Variants in SGMS1 observed in about 807,000 individuals in gnomAD.
The protein encoded by SGMS1 is phosphatidylcholine:ceramide cholinephosphotransferase 1.
A neutral mutation model predicts 46.2 loss-of-function variants in SGMS1; 13 were observed. That is an observed-to-expected ratio of 0.28 (90% CI 0.18 to 0.45). SGMS1 has a LOEUF of 0.45. Ranked by LOEUF, SGMS1 falls within the 20% of genes least tolerant of loss-of-function variation. The pLI, the probability that SGMS1 is intolerant of heterozygous loss-of-function variation, is 1.00. For synonymous variants in SGMS1, 203 were observed against 187.8 expected (o/e 1.08, Z -0.66); for missense variants, 324 against 519.9 (o/e 0.62, Z 3.66).
chr10:50,307,170 T>C lies in SGMS1; in HGVS notation c.1214A>G (p.Lys405Arg), dbSNP rs988692756. The change falls in exon 11 of 11, where the codon AAA becomes AGA. Residue 405 changes from lysine (K) to arginine (R), a missense_variant. Physicochemically the swap from Lys to Arg is conservative, Grantham distance 26 (BLOSUM62 2). Coordinates refer to ENST00000361781, the MANE Select transcript of SGMS1 (RefSeq NM_147156.4). This position sits in a 1 kb window ranked among gnomAD's most constrained non-coding sequence, Gnocchi z 4.2. Reference protein sequence around the residue: ...WPVVHLSRQVKYSRLVNDT With the variant: ...WPVVHLSRQVRYSRLVNDT ...TGTGTCATTCACCAGCCGGCTGTAT[T>C]TAACTTGCCTACTGAGGTGGACTAC... 1 of 1,613,968 alleles carries C rather than the reference T, an allele frequency of 6.2e-7. No homozygotes were observed. Among genetic ancestry groups the C allele is most frequent in the African/African-American group, 1.3e-5 (1 of 74,922 alleles).
At chr10:50,404,075 A>G (rs1427436410) in intron 6 of SGMS1, among the ~76,000 whole-genome samples, 4 of 152,128 alleles carry the variant, frequency 2.6e-5, no homozygotes, top group African/African-American at 9.7e-5. Flanking sequence ...AGTCAATATG[A>G]TAAAGACAAG....
intron 8 of SGMS1, among the ~76,000 whole-genome samples, chr10:50,320,659 T>C (rs1847426617): frequency 6.6e-6 from 1 of 152,242 alleles, no homozygotes; most frequent in African/African-American, 2.4e-5. Flanking sequence ...TGGAGTCATC[T>C]CTGGCCACTT....
At chr10:50,440,275 AAT>A (rs752922519) in intron 5 of SGMS1, among the ~76,000 whole-genome samples, 11 of 140,056 alleles carry the variant, frequency 7.9e-5, no homozygotes, top group Admixed American at 1.4e-4. Context: ...CAAATTAAAA[AAT>A]ATATATATAT....
chr10:50,530,281 T>G (rs902222835), intron 2 of SGMS1, among the ~76,000 whole-genome samples: 1 of 152,248 alleles, frequency 6.6e-6, no homozygotes, highest in Non-Finnish European at 1.5e-5. Flanking sequence ...GCCAAATGGA[T>G]ATTTTTCTAA....
intron 6 of SGMS1, among the ~76,000 whole-genome samples, chr10:50,422,954 G>C (rs779441264): frequency 2.6e-5 from 4 of 152,192 alleles, no homozygotes; most frequent in Non-Finnish European, 5.9e-5. Context: ...CACTACCACT[G>C]TTCTCAAAAG....
At chr10:50,447,174 G>A (rs1273069708) in intron 5 of SGMS1, among the ~76,000 whole-genome samples, 2 of 151,938 alleles carry the variant, frequency 1.3e-5, no homozygotes, top group Non-Finnish European at 2.9e-5. Flanking sequence ...ACAATTCAAG[G>A]GAGAGAGACT....
intron 5 of SGMS1, among the ~76,000 whole-genome samples, chr10:50,439,688 A>G (rs951018554): frequency 2.0e-5 from 3 of 152,242 alleles, no homozygotes; most frequent in Non-Finnish European, 4.4e-5. Context: ...CCATATAAAC[A>G]TTAATATGAA....
chr10:50,387,226 G>A (rs1848695995), intron 6 of SGMS1, among the ~76,000 whole-genome samples: 1 of 152,180 alleles, frequency 6.6e-6, no homozygotes, highest in African/African-American at 2.4e-5. Context: ...AATCCATGTA[G>A]TTTCACTTTC....
chr10:50,489,013 C>T (rs1837546302), intron 3 of SGMS1, among the ~76,000 whole-genome samples: 1 of 152,124 alleles, frequency 6.6e-6, no homozygotes, highest in African/African-American at 2.4e-5. Flanking sequence ...GAATAAACTT[C>T]TTCATTAAAT....
At chr10:50,555,060 T>A (rs1444381779) in intron 2 of SGMS1, among the ~76,000 whole-genome samples, 1 of 152,092 alleles carries the variant, frequency 6.6e-6, no homozygotes, top group African/African-American at 2.4e-5. Context: ...CCAAATGGGG[T>A]CACGCCAGCA....
intron 2 of SGMS1, among the ~76,000 whole-genome samples, chr10:50,528,332 C>T (rs1474865186): frequency 6.6e-6 from 1 of 152,168 alleles, no homozygotes; most frequent in Admixed American, 6.5e-5. Context: ...AGGTACAACA[C>T]AGATTTTACT....
rs557165602 is a variant in SGMS1, at chr10:50,475,524, A to G, written c.-497-8592T>C. Among the ~76,000 whole-genome samples the G allele has an allele frequency of 2.6e-5, 4 of 152,366 alleles. No individual in the cohort carries two copies. In the South Asian group the frequency reaches 6.2e-4, roughly 24 times the overall value. ...GTTGTTCACAATAAATGGTAAATAT[A>G]TAACTCATCAGGCTATGAATAACTG... On this transcript the variant is annotated intron_variant, in intron 3 of 10. Coordinates refer to ENST00000361781, the MANE Select transcript of SGMS1 (RefSeq NM_147156.4).
chr10:50,424,291 T>C (rs532526877), intron 6 of SGMS1, among the ~76,000 whole-genome samples: 34 of 152,368 alleles, frequency 2.2e-4, no homozygotes, highest in African/African-American at 7.5e-4. Flanking sequence ...TACTTCTCTA[T>C]GGCTGAATAA....
At chr10:50,581,161 G>C (rs1290140240) in intron 2 of SGMS1, among the ~76,000 whole-genome samples, 2 of 152,194 alleles carry the variant, frequency 1.3e-5, no homozygotes, top group South Asian at 4.1e-4. Context: ...CCCAGACCAA[G>C]TAAATAAGTA....
intron 7 of SGMS1, chr10:50,342,286 C>G (rs1847833081): frequency 6.6e-6 from 1 of 152,104 alleles, no homozygotes; most frequent in South Asian, 2.1e-4. Context: ...ACCAAAGGAA[C>G]AGAAAAAAAC....
chr10:50,324,182 C>A (rs1447076830), intron 8 of SGMS1, among the ~76,000 whole-genome samples: 1 of 152,194 alleles, frequency 6.6e-6, no homozygotes. Context: ...CAAAAAGCAT[C>A]ATTAGCTCTG....
intron 8 of SGMS1, among the ~76,000 whole-genome samples, chr10:50,315,310 T>C (rs1847322558): frequency 6.6e-6 from 1 of 152,196 alleles, no homozygotes; most frequent in Non-Finnish European, 1.5e-5. Flanking sequence ...CAGGGTTAGC[T>C]TGGAAATTGG....
intron 2 of SGMS1, among the ~76,000 whole-genome samples, chr10:50,574,723 TGGAAACAATACAGA>T (rs1255438921): frequency 6.6e-6 from 1 of 152,038 alleles, no homozygotes; most frequent in Non-Finnish European, 1.5e-5. Flanking sequence ...AGCCATGATA[TGGAAACAATACAGA>T]GGTCCATCAA....
intron 3 of SGMS1, among the ~76,000 whole-genome samples, chr10:50,506,347 G>A (rs1244691816): frequency 1.3e-5 from 2 of 152,084 alleles, no homozygotes; most frequent in African/African-American, 4.8e-5. Flanking sequence ...AAATAGCCGA[G>A]TTCAATAAAT....
Sources: gnomAD v4.1 joint callset for allele counts (sites outside exome capture counted in the v4.1 genomes callset) on GRCh38, gnomAD v4.1.1 for gene constraint, Gnocchi (gnomAD v3.1) non-coding constraint, MANE v1.5 for transcripts, NCBI Gene and HGNC (gene_info 2026-07-23, HGNC 2026-07-21) for gene names.